NOL9: variants seen among roughly 807,000 people sequenced by gnomAD.
NOL9 encodes nucleolar protein 9.
A neutral mutation model predicts 67.9 loss-of-function variants in NOL9; 28 were observed. The ratio of observed to expected loss-of-function variants is 0.41; its 90% confidence interval spans 0.31 to 0.57. NOL9 has a LOEUF of 0.57. Among genes scored for constraint, NOL9 ranks in the 20% least tolerant of loss-of-function variants. The probability of loss-of-function intolerance (pLI) is 0.25; values close to 1 mark genes in which losing one functional copy is unlikely to be tolerated. For synonymous variants in NOL9, 356 were observed against 352.2 expected, an observed-to-expected ratio of 1.01 and a Z score of -0.12; for missense variants, 777 against 897.0, an observed-to-expected ratio of 0.87 and a Z score of 1.71.
chr1:6,529,308 C>T (rs1324012941), intron 9 of NOL9, 137 bp from the exon 10 acceptor site: 6 of 769,144 alleles, frequency 7.8e-6, no homozygotes, highest in African/African-American at 3.5e-5. Context: ...AGAATAAAAA[C>T]AGCCAGGCAC....
chr1:6,530,672 G>C (rs1639004896), intron 9 of NOL9, among the ~76,000 whole-genome samples: 1 of 152,214 alleles, frequency 6.6e-6, no homozygotes, highest in Non-Finnish European at 1.5e-5. Context: ...TTGCTGCCCA[G>C]GTCTGCCGCT....
chr1:6,532,790 T>C (rs138003508), intron 7 of NOL9, 30 bp from the exon 8 acceptor site: 2 of 1,586,312 alleles, frequency 1.3e-6, no homozygotes, highest in African/African-American at 2.7e-5. Flanking sequence ...GCACAGCTGA[T>C]ACACTCAAGA....
rs1638844181 is a variant in NOL9 at position 6,524,745 on chromosome 1, T to TA, written c.*1108_*1109insT. On this transcript the variant is annotated 3_prime_UTR_variant, in exon 12 of 12. Transcript: ENST00000377705. ...CCAGAAGAGGTTTTCCAGATTATTA[T>TA]TTTTTTTTTTTGAGATGGAGTCTTG... 1 of 146,172 alleles carries TA rather than the reference T, an allele frequency of 6.8e-6. No homozygotes were observed. Among genetic ancestry groups the TA allele is most frequent in the South Asian group, 2.2e-4 (1 of 4,570 alleles). 9.1% of individuals were successfully genotyped at this position (146,172 alleles called of 1,614,324 possible). A position where few individuals can be genotyped will look rare whatever the true frequency, so the allele number is the denominator to read the frequency against.
intron 8 of NOL9, 111 bp from the exon 9 acceptor site, chr1:6,532,190 T>C: frequency 1.2e-6 from 1 of 867,368 alleles, no homozygotes; most frequent in Non-Finnish European, 1.9e-6. Context: ...TTTCCAACAC[T>C]GCCCCCCCTT....
chr1:6,552,661 G>C (rs1639568606), intron 1 of NOL9, among the ~76,000 whole-genome samples: 4 of 150,870 alleles, frequency 2.7e-5, no homozygotes, highest in Admixed American at 2.6e-4. Context: ...CACTAGACAG[G>C]GTTTCGCCAT....
At chr1:6,554,033 C>T (rs1032447508) in intron 1 of NOL9, 74 bp downstream of exon 1, 63 of 1,290,310 alleles carry the variant, frequency 4.9e-5, no homozygotes, top group Admixed American at 2.4e-5. Context: ...TCCTCTCCTA[C>T]CCTGCAGCTC....
chr1:6,550,647 T>C (rs376650172), intron 1 of NOL9, 32 bp from the exon 2 acceptor site: 27 of 1,398,108 alleles, frequency 1.9e-5, no homozygotes, highest in Middle Eastern at 4.0e-4. Flanking sequence ...AAAAACATTA[T>C]AGATCATGTC....
intron 5 of NOL9, 123 bp from the exon 6 acceptor site, chr1:6,542,050 T>A: frequency 4.0e-6 from 2 of 503,810 alleles, no homozygotes; most frequent in Non-Finnish European, 3.4e-6. Context: ...CACAGCACTT[T>A]AGAAGTGAAG....
intron 1 of NOL9, 67 bp from the exon 2 acceptor site, chr1:6,550,682 TC>T: frequency 2.9e-5 from 25 of 873,254 alleles, no homozygotes; most frequent in Non-Finnish European, 3.2e-5. Context: ...CATTCTAAAA[TC>T]TTTTTTTTTT....
At chr1:6,530,364 G>C (rs1160507985) in intron 9 of NOL9, among the ~76,000 whole-genome samples, 2 of 152,206 alleles carry the variant, frequency 1.3e-5, no homozygotes, top group Non-Finnish European at 2.9e-5. Context: ...TGACGCAGGA[G>C]AATCGCTTGA....
At chr1:6,551,803 G>A (rs1639548084) in intron 1 of NOL9, among the ~76,000 whole-genome samples, 1 of 151,946 alleles carries the variant, frequency 6.6e-6, no homozygotes, top group Non-Finnish European at 1.5e-5. Flanking sequence ...AGGCCGAGGC[G>A]GGTGGATCAC....
intron 1 of NOL9, among the ~76,000 whole-genome samples, chr1:6,553,766 C>T (rs1037450394): frequency 6.6e-6 from 1 of 152,110 alleles, no homozygotes; most frequent in Admixed American, 6.6e-5. Context: ...CGCTTCAACC[C>T]GGGATGCGGA....
chr1:6,548,699 A>G (rs935428026), intron 3 of NOL9: 3 of 180,952 alleles, frequency 1.7e-5, no homozygotes, highest in Non-Finnish European at 2.4e-5. Context: ...AAAAGAAAAT[A>G]TAAGTTCATT....
rs1454473573 is a variant in NOL9 at position 6,527,261 on chromosome 1, TACAA to T, written c.1826-436_1826-433del. 2.7e-4 allele frequency among the ~76,000 whole-genome samples: 12 copies of T among 43,682 alleles called. No homozygotes were observed. In the East Asian group the frequency reaches 6.8e-3, roughly 25 times the overall value. The allele number at this position is 43,682 out of a possible 152,430, so 28.7% of individuals were successfully genotyped here. On this transcript the variant is annotated intron_variant, in intron 10 of 11. Transcript: ENST00000377705. ...GACTGTCTCAAAAAAAAAAAAAAAA[TACAA>T]AGAGTCAAGAGATGGAGTCCTTGAA...
chr1:6,532,075 A>G lies in NOL9; in HGVS notation c.1540T>C (p.Ser514Pro), dbSNP rs1426636156. ...AFRITPRNRE[S>P]HNKILRDLSI... ...AGATCTCGAAGAATTTTGTTATGTG[A>G]CTCTCTGAAAGGCAAATCACAACAA... The change falls in exon 9 of 12, where the codon TCA becomes CCA. Residue 514 changes from serine to proline, a missense_variant. Physicochemically the swap from Ser to Pro is moderately conservative, Grantham distance 74. This residue lies in a region of NOL9 where 413 missense variants were observed against 552.6 expected (regional missense o/e 0.75). Transcript: ENST00000377705. 1 of 1,612,870 alleles carries G rather than the reference A, an allele frequency of 6.2e-7. No individual in the cohort carries two copies. Among genetic ancestry groups the G allele is most frequent in the Non-Finnish European group, 8.5e-7 (1 of 1,178,980 alleles).
chr1:6,540,623 C>T (rs919570400), intron 6 of NOL9, among the ~76,000 whole-genome samples: 6 of 151,994 alleles, frequency 3.9e-5, no homozygotes, highest in Non-Finnish European at 8.8e-5. Context: ...GTCAGGAGTT[C>T]GAGACCAGCC....
At chr1:6,548,910 C>A (rs539508742) in intron 3 of NOL9, among the ~76,000 whole-genome samples, 2 of 151,814 alleles carry the variant, frequency 1.3e-5, no homozygotes, top group South Asian at 4.2e-4. Flanking sequence ...GGTGAAACCC[C>A]GTCTGTACTA....
At chr1:6,552,986 AT>A (rs928081424) in intron 1 of NOL9, among the ~76,000 whole-genome samples, 3 of 151,848 alleles carry the variant, frequency 2.0e-5, no homozygotes, top group Non-Finnish European at 4.4e-5. Context: ...TAATTTTTGT[AT>A]TTTTAGTAGA....
Position 6,524,045 on chromosome 1 carries a change from G to C in NOL9, c.*1809C>G, listed in dbSNP as rs1471242940. On this transcript the variant is annotated 3_prime_UTR_variant, in exon 12 of 12. Coordinates refer to ENST00000377705, the MANE Select transcript of NOL9 (RefSeq NM_024654.5). ...TGGATTGTCTTAAAATTCTTTACAAGGCCAGCACAGTAAAACATCATATGA... is the reference window on the plus strand; with the variant it reads ...TGGATTGTCTTAAAATTCTTTACAACGCCAGCACAGTAAAACATCATATGA... 1 of 152,148 alleles carries C rather than the reference G, an allele frequency of 6.6e-6. No homozygotes were observed. Among genetic ancestry groups the C allele is most frequent in the Non-Finnish European group, 1.5e-5 (1 of 68,040 alleles). The allele number at this position is 152,148 out of a possible 1,614,324, so 9.4% of individuals were successfully genotyped here.
Sources: allele counts gnomAD v4.1 joint callset (sites outside exome capture counted in the v4.1 genomes callset), GRCh38; gene constraint gnomAD v4.1.1; regional missense constraint gnomAD v4.1.1; transcripts MANE v1.5; gene names NCBI Gene and HGNC (gene_info 2026-07-23, HGNC 2026-07-21).